Variants in BCAS3 observed in about 807,000 individuals in gnomAD.
The protein encoded by BCAS3 is BCAS3 microtubule associated cell migration factor, also known as BCAS4/BCAS3 fusion.
Under a neutral mutation model 116.1 loss-of-function variants are expected in BCAS3, and 53 were observed. The observed-to-expected ratio is 0.46, with a 90% CI of 0.37 to 0.57. The LOEUF is 0.57. BCAS3 is among the 20% of genes least tolerant of loss of function. The pLI, the probability that BCAS3 is intolerant of heterozygous loss-of-function variation, is 0.00. For synonymous variants in BCAS3, 391 were observed against 408.2 expected, an observed-to-expected ratio of 0.96 and a Z score of 0.51; for missense variants, 917 against 1,165.4, an observed-to-expected ratio of 0.79 and a Z score of 3.10.
At chr17:60,886,481 C>A (rs1462631283) in intron 9 of BCAS3, 3 of 152,228 alleles carry the variant, frequency 2.0e-5, no homozygotes, top group African/African-American at 4.8e-5. Context: ...TGTTCCGTTG[C>A]TGGTGAGGAA....
intron 23 of BCAS3, among the ~76,000 whole-genome samples, chr17:61,373,403 T>G (rs1309003962): frequency 6.6e-6 from 1 of 151,358 alleles, no homozygotes; most frequent in Admixed American, 6.6e-5. Context: ...ATTTAAAGTA[T>G]TCTTGATGCA....
chr17:60,964,831 A>G lies in BCAS3; in HGVS notation c.1221+17479A>G, dbSNP rs2061574776. 1.3e-5 allele frequency among the ~76,000 whole-genome samples: 2 copies of G among 151,988 alleles called. No homozygotes were observed. Among genetic ancestry groups the G allele is most frequent in the African/African-American group, 4.8e-5 (2 of 41,412 alleles). The stretch of plus-strand genomic sequence containing the variant: ...AGGTTTTCCAGTTTGTTGGTATATA[A>G]TTGTTCATAGTAGTCTCTAATGATT... On this transcript the variant is annotated intron_variant, in intron 14 of 23. Transcript: ENST00000407086. This position sits in a 1 kb window ranked among gnomAD's most constrained non-coding sequence, Gnocchi z 4.6.
In BCAS3 at chr17:61,033,225, A is replaced by G. The variant is rs181590105; in HGVS notation, c.1638-1441A>G. Among the ~76,000 whole-genome samples the G allele has an allele frequency of 3.9e-3, 590 of 152,272 alleles. 2 individuals carry two copies. The highest frequency in any genetic ancestry group is 6.2e-3 in the Non-Finnish European group (425 of 68,016). ...TAGTGGTTCTCAGAGTTGAGCATGC[A>G]TCAGAATCATCTGGAGGGTTTGTTT... is the stretch of plus-strand genomic sequence containing the variant. On this transcript the variant is annotated intron_variant, in intron 16 of 23. Coordinates refer to ENST00000407086, the MANE Select transcript of BCAS3 (RefSeq NM_017679.5).
intron 15 of BCAS3, among the ~76,000 whole-genome samples, chr17:61,009,464 C>A (rs768806639): frequency 6.6e-6 from 1 of 151,798 alleles, no homozygotes; most frequent in Non-Finnish European, 1.5e-5. Flanking sequence ...ACAAAAATTT[C>A]TCTCTCTCTC....
intron 17 of BCAS3, among the ~76,000 whole-genome samples, chr17:61,035,582 CAAAAAAAAAAA>C (rs61144658): frequency 3.1e-5 from 2 of 65,298 alleles, no homozygotes; most frequent in Admixed American, 1.8e-4. Context: ...GACTCCATCT[CAAAAAAAAAAA>C]AAAAAAAAAG....
At chr17:60,857,932 G>T (rs2053822823) in intron 7 of BCAS3, among the ~76,000 whole-genome samples, 1 of 151,880 alleles carries the variant, frequency 6.6e-6, no homozygotes, top group East Asian at 1.9e-4. Context: ...TCTAATGAAG[G>T]CTTGTTGCAT....
Position 61,227,998 on chromosome 17 carries a change from T to G in BCAS3, c.2426-140329T>G, listed in dbSNP as rs1300076160. ...TGTAGCCATAGAATCCCTTTCCACCTGGAGACTGTCCTTTCCAATTTCCAG... is the reference window on the plus strand; with the variant it reads ...TGTAGCCATAGAATCCCTTTCCACCGGGAGACTGTCCTTTCCAATTTCCAG... On this transcript the variant is annotated intron_variant, in intron 22 of 23. Coordinates refer to ENST00000407086, the MANE Select transcript of BCAS3 (RefSeq NM_017679.5). The surrounding 1 kb of genome is among the most constrained non-coding windows in gnomAD (Gnocchi z 6.1). 6.6e-6 allele frequency among the ~76,000 whole-genome samples: 1 copy of G among 152,158 alleles called. No individual in the cohort carries two copies. The highest frequency in any genetic ancestry group is 1.5e-5 in the Non-Finnish European group (1 of 68,026).
intron 6 of BCAS3, among the ~76,000 whole-genome samples, chr17:60,751,269 A>AT (rs2042429557): frequency 2.0e-5 from 3 of 152,090 alleles, no homozygotes; most frequent in Admixed American, 1.3e-4. Flanking sequence ...CTGCTTTAGG[A>AT]TTTTTTTCAA....
At chr17:61,287,635 A>G (rs1477007681) in intron 22 of BCAS3, among the ~76,000 whole-genome samples, 1 of 152,142 alleles carries the variant, frequency 6.6e-6, no homozygotes, top group East Asian at 1.9e-4. Flanking sequence ...CTGAGGCAGG[A>G]GGATCACTTG....
intron 7 of BCAS3, among the ~76,000 whole-genome samples, chr17:60,846,827 CT>C (rs1233961427): frequency 2.0e-5 from 3 of 151,986 alleles, no homozygotes; most frequent in Non-Finnish European, 4.4e-5. Context: ...GTTGAGGTGA[CT>C]TTACATAATA....
chr17:61,104,848 C>T lies in BCAS3; in HGVS notation c.2425+20284C>T, dbSNP rs560353249. Among the ~76,000 whole-genome samples, 10 of 152,288 alleles carry T rather than the reference C, an allele frequency of 6.6e-5. No homozygotes were observed. The highest frequency in any genetic ancestry group is 2.0e-4 in the Admixed American group (3 of 15,292). Reference sequence around the variant, plus strand: ...TAAAAGTAAGCCCAGTAAACCTAAGCGTTGGATGGTTCTGCAAGTAACCAC... The same window carrying T: ...TAAAAGTAAGCCCAGTAAACCTAAGTGTTGGATGGTTCTGCAAGTAACCAC... On this transcript the variant is annotated intron_variant, in intron 22 of 23. Coordinates refer to ENST00000407086, the MANE Select transcript of BCAS3 (RefSeq NM_017679.5). The surrounding 1 kb of genome is among the most constrained non-coding windows in gnomAD (Gnocchi z 4.1).
rs2060070844 is a variant in BCAS3 at position 61,390,333 on chromosome 17, G to A, written c.2594-1644G>A. ...AGATTAGGGTGATACTGAAGGAGGAGCAGGAGAAAAAGATCCTATCTGCCT... is the reference window on the plus strand; with the variant it reads ...AGATTAGGGTGATACTGAAGGAGGAACAGGAGAAAAAGATCCTATCTGCCT... On this transcript the variant is annotated intron_variant, in intron 23 of 23. Coordinates refer to ENST00000407086, the MANE Select transcript of BCAS3 (RefSeq NM_017679.5). This position sits in a 1 kb window ranked among gnomAD's most constrained non-coding sequence, Gnocchi z 6.8. 6.6e-6 allele frequency: 1 copy of A among 152,292 alleles called. No individual in the cohort carries two copies. The highest frequency in any genetic ancestry group is 2.4e-5 in the African/African-American group (1 of 41,444). 9.4% of individuals were successfully genotyped at this position (152,292 alleles called of 1,614,324 possible).
intron 5 of BCAS3, among the ~76,000 whole-genome samples, chr17:60,743,112 C>CAAA (rs528323733): frequency 0.032 from 2,155 of 67,998 alleles, 47 homozygotes; most frequent in African/African-American, 0.1. Context: ...GACTCCTTCT[C>CAAA]AAAAAAAAAA....
At chr17:60,977,727 C>A (rs539321581) in intron 14 of BCAS3, among the ~76,000 whole-genome samples, 19 of 151,032 alleles carry the variant, frequency 1.3e-4, no homozygotes, top group African/African-American at 4.2e-4. Context: ...TGTTCAATTC[C>A]CACCTATGAT....
At chr17:61,175,541 C>A (rs2079085566) in intron 22 of BCAS3, among the ~76,000 whole-genome samples, 2 of 152,308 alleles carry the variant, frequency 1.3e-5, no homozygotes, top group South Asian at 4.1e-4. Context: ...ACATATGTCA[C>A]CAATGCAGCA....
At chr17:61,142,857 T>C (rs949200682) in intron 22 of BCAS3, among the ~76,000 whole-genome samples, 1 of 152,232 alleles carries the variant, frequency 6.6e-6, no homozygotes, top group Non-Finnish European at 1.5e-5. Context: ...TTCAAAATTC[T>C]CCATAATAAA....
chr17:60,908,731 A>T (rs903825490), intron 11 of BCAS3, among the ~76,000 whole-genome samples: 4 of 152,342 alleles, frequency 2.6e-5, no homozygotes, highest in Admixed American at 1.3e-4. Flanking sequence ...CAAAACAGTT[A>T]CAATTGATTT....
intron 14 of BCAS3, among the ~76,000 whole-genome samples, chr17:60,986,053 G>A (rs991966753): frequency 9.2e-5 from 14 of 152,068 alleles, no homozygotes; most frequent in African/African-American, 2.7e-4. Context: ...CTTGTTTTAC[G>A]TTTTAGATCC....
At chr17:61,177,748 A>G (rs1467880166) in intron 22 of BCAS3, among the ~76,000 whole-genome samples, 1 of 152,222 alleles carries the variant, frequency 6.6e-6, no homozygotes, top group East Asian at 1.9e-4. Flanking sequence ...ATGGAAGTTT[A>G]TACCCTCATT....
Sources: allele counts gnomAD v4.1 joint callset (sites outside exome capture counted in the v4.1 genomes callset), GRCh38; gene constraint gnomAD v4.1.1; non-coding constraint Gnocchi (gnomAD v3.1); transcripts MANE v1.5; gene names NCBI Gene and HGNC (gene_info 2026-07-23, HGNC 2026-07-21).